INSYN2B: variants seen among roughly 807,000 people sequenced by gnomAD.
INSYN2B encodes protein INSYN2B.
In INSYN2B, 16 loss-of-function variants were observed where a neutral mutation model predicts 41.2. The observed-to-expected ratio is 0.39, with a 90% CI of 0.26 to 0.59. The LOEUF (loss-of-function observed/expected upper bound fraction) is 0.59, where lower values mean the gene tolerates loss of function less well. Ranked by LOEUF, INSYN2B falls within the 20% of genes least tolerant of loss-of-function variation. The pLI is 0.57. For synonymous variants in INSYN2B, 245 were observed against 244.4 expected (o/e 1.00, Z -0.02); for missense variants, 608 against 646.4 (o/e 0.94, Z 0.64).
At chr5:169,906,094 G>C (rs913147046) in intron 1 of INSYN2B, among the ~76,000 whole-genome samples, 3 of 152,168 alleles carry the variant, frequency 2.0e-5, no homozygotes, top group Non-Finnish European at 4.4e-5. Flanking sequence ...CTTACACTAA[G>C]AGTTACCAAA....
At position 169,957,197 on chromosome 5, in the gene INSYN2B, A is replaced by G. The variant is rs1354060634; in HGVS notation, c.-919+23080T>C. On this transcript the variant is annotated intron_variant, in intron 1 of 3. Transcript: ENST00000377365. ...ATGGGTACTCAATAAATAATGGTGA[A>G]TAAATGAATGAATGAATTAATTAAA... Among the ~76,000 whole-genome samples, 6 of 152,238 alleles carry G rather than the reference A, an allele frequency of 3.9e-5. No individual in the cohort carries two copies. The South Asian group carries it at 6.2e-4, about 16-fold the overall frequency.
chr5:169,977,722 A>G (rs1777765272), intron 1 of INSYN2B, among the ~76,000 whole-genome samples: 1 of 152,200 alleles, frequency 6.6e-6, no homozygotes, highest in African/African-American at 2.4e-5. Context: ...CCTCGCACCT[A>G]GCACAGAGCC....
At chr5:169,953,282 G>C (rs1465312774) in intron 1 of INSYN2B, among the ~76,000 whole-genome samples, 1 of 149,170 alleles carries the variant, frequency 6.7e-6, no homozygotes, top group African/African-American at 2.5e-5. Context: ...GCAGTAAGCC[G>C]AGATTACACC....
At chr5:169,875,171 C>T (rs1772244355) in intron 3 of INSYN2B, 2 of 454,564 alleles carry the variant, frequency 4.4e-6, no homozygotes, top group Non-Finnish European at 8.8e-6. Flanking sequence ...CTTTCAAGAC[C>T]CTGATTTTTT....
At chr5:169,926,991 A>G (rs978502714) in intron 1 of INSYN2B, among the ~76,000 whole-genome samples, 1 of 152,258 alleles carries the variant, frequency 6.6e-6, no homozygotes, top group Non-Finnish European at 1.5e-5. Context: ...GGCCAAGGAT[A>G]ACATCTCTCT....
chr5:169,931,064 GTAAAGA>G (rs1432687759), intron 1 of INSYN2B, among the ~76,000 whole-genome samples: 2 of 152,152 alleles, frequency 1.3e-5, no homozygotes, highest in African/African-American at 4.8e-5. Context: ...TTTCCTCCAG[GTAAAGA>G]TAAAGTGGCT....
chr5:169,969,334 A>T (rs1581485209), intron 1 of INSYN2B, among the ~76,000 whole-genome samples: 2 of 151,088 alleles, frequency 1.3e-5, no homozygotes, highest in South Asian at 4.2e-4. Flanking sequence ...AATCCCAGCT[A>T]CTCGGGAGGC....
chr5:169,963,470 G>A (rs1322600484), intron 1 of INSYN2B, among the ~76,000 whole-genome samples: 1 of 152,042 alleles, frequency 6.6e-6, no homozygotes, highest in Non-Finnish European at 1.5e-5. Context: ...CTGGTCCTAG[G>A]CCCATTGTGG....
chr5:169,871,883 C>CA (rs1379063762), intron 3 of INSYN2B, among the ~76,000 whole-genome samples: 1 of 152,056 alleles, frequency 6.6e-6, no homozygotes, highest in Non-Finnish European at 1.5e-5. Context: ...GCTGCATACC[C>CA]AAAAAAGGTG....
chr5:169,974,659 T>A (rs1777648792), intron 1 of INSYN2B, among the ~76,000 whole-genome samples: 1 of 152,120 alleles, frequency 6.6e-6, no homozygotes, highest in Admixed American at 6.5e-5. Flanking sequence ...ACCCTAGCAA[T>A]GCTCCTGGTT....
At chr5:169,958,249 C>G (rs1776946738) in intron 1 of INSYN2B, among the ~76,000 whole-genome samples, 1 of 152,118 alleles carries the variant, frequency 6.6e-6, no homozygotes, top group Non-Finnish European at 1.5e-5. Flanking sequence ...GGCACCTACC[C>G]CATTTATACT....
chr5:169,883,165 C>T lies in INSYN2B; in HGVS notation c.734G>A (p.Arg245Lys). Residue 245 changes from arginine to lysine, a missense_variant, in exon 2 of 4, where the codon AGA becomes AAA. Coordinates refer to ENST00000377365, the MANE Select transcript of INSYN2B (RefSeq NM_001129891.3). Reference sequence around the variant, plus strand: ...TTCTGAATCTAGTGGAGTCACCCTTCTCCCATCACCTGGACGTGTGTCATC... The same window carrying T: ...TTCTGAATCTAGTGGAGTCACCCTTTTCCCATCACCTGGACGTGTGTCATC... ...PLDDTRPGDG[R>K]RVTPLDSEKS... is the part of the protein sequence containing the mutation. The T allele has an allele frequency of 1.3e-6, 2 of 1,551,646 alleles. No individual in the cohort carries two copies. The highest frequency in any genetic ancestry group is 1.2e-5 in the South Asian group (1 of 84,060).
chr5:169,879,684 G>A (rs1380138545), intron 3 of INSYN2B, among the ~76,000 whole-genome samples: 3 of 152,188 alleles, frequency 2.0e-5, no homozygotes, highest in Non-Finnish European at 4.4e-5. Context: ...GAAGGTCATA[G>A]TTTAGCCAAA....
Position 169,906,851 on chromosome 5 carries a change from C to G in INSYN2B, c.-918-22035G>C, listed in dbSNP as rs369152032. Among the ~76,000 whole-genome samples the G allele has an allele frequency of 4.6e-5, 7 of 152,322 alleles. No individual in the cohort carries two copies. The East Asian group carries it at 1.4e-3, about 29-fold the overall frequency. ...ATTAGGGCCTGAAGTAGAAAGACTG[C>G]TAGCCGCCTCTGTCCTGCTGGAAAT... On this transcript the variant is annotated intron_variant, in intron 1 of 3. Transcript: ENST00000377365.
At chr5:169,892,366 G>C (rs1228186050) in intron 1 of INSYN2B, among the ~76,000 whole-genome samples, 3 of 152,248 alleles carry the variant, frequency 2.0e-5, no homozygotes, top group African/African-American at 4.8e-5. Flanking sequence ...CTAGCATGGA[G>C]CAGGAGCTAG....
rs1321052668 is a variant in INSYN2B, at chr5:169,861,437, G to A, written c.*2836C>T. Among the ~76,000 whole-genome samples, 1 of 152,236 alleles carries A rather than the reference G, an allele frequency of 6.6e-6. No individual in the cohort carries two copies. The highest frequency in any genetic ancestry group is 1.9e-4 in the East Asian group (1 of 5,204). ...AGATGAGCTGGTATTAAGTTCCAAGGATAGTGAGTATGCATTTATGCATTG... is the reference window on the plus strand; with the variant it reads ...AGATGAGCTGGTATTAAGTTCCAAGAATAGTGAGTATGCATTTATGCATTG... On this transcript the variant is annotated 3_prime_UTR_variant, in exon 4 of 4. Transcript: ENST00000377365.
intron 1 of INSYN2B, among the ~76,000 whole-genome samples, chr5:169,932,738 G>A (rs1300371314): frequency 6.6e-6 from 1 of 152,130 alleles, no homozygotes. Flanking sequence ...GAAGGGAAAT[G>A]TGAATCCTCT....
chr5:169,907,575 A>C (rs1030545893), intron 1 of INSYN2B, among the ~76,000 whole-genome samples: 1 of 152,238 alleles, frequency 6.6e-6, no homozygotes, highest in Non-Finnish European at 1.5e-5. Flanking sequence ...GCATTATCTA[A>C]TTGAATCCTC....
At chr5:169,864,528 G>T in intron 3 of INSYN2B, 69 bp from the exon 4 acceptor site, 1 of 1,199,862 alleles carries the variant, frequency 8.3e-7, no homozygotes. Context: ...GCATCTCTCA[G>T]CCCCAACTAA....
Sources: gnomAD v4.1 joint callset for allele counts (sites outside exome capture counted in the v4.1 genomes callset) on GRCh38, gnomAD v4.1.1 for gene constraint, MANE v1.5 for transcripts, NCBI Gene and HGNC (gene_info 2026-07-23, HGNC 2026-07-21) for gene names.